Variants in JOSD1 observed in about 807,000 individuals in gnomAD.
JOSD1 encodes the protein Josephin domain containing 1, also known as josephin-1.
In JOSD1, 11 loss-of-function variants were observed where a neutral mutation model predicts 24.3. The observed-to-expected ratio is 0.45, with a 90% confidence interval of 0.29 to 0.75. JOSD1 has a LOEUF of 0.75. Among genes scored for constraint, JOSD1 ranks in the 30% least tolerant of loss-of-function variants. The pLI, the probability that JOSD1 is intolerant of heterozygous loss-of-function variation, is 0.11. For missense variants in JOSD1, 184 were observed against 253.5 expected (o/e 0.73, Z 1.86); for synonymous variants, 106 against 93.8 (o/e 1.13, Z -0.75).
chr22:38,700,761 C>T, intron 1 of JOSD1, 39 bp downstream of exon 1: 1 of 984,620 alleles, frequency 1.0e-6, no homozygotes, highest in Non-Finnish European at 1.2e-6. Context: ...CTCGCGCTCC[C>T]GGGCCCGCGC....
chr22:38,699,745 C>G, intron 2 of JOSD1, 58 bp downstream of exon 2: 1 of 1,529,098 alleles, frequency 6.5e-7, no homozygotes, highest in African/African-American at 1.4e-5. Flanking sequence ...AGACACTGCC[C>G]CACCCACAGA....
chr22:38,697,808 G>A (rs756887506), intron 2 of JOSD1, among the ~76,000 whole-genome samples: 4 of 152,256 alleles, frequency 2.6e-5, no homozygotes, highest in African/African-American at 2.4e-5. Context: ...CACTCAGAAC[G>A]GTGCTTTGCA....
chr22:38,691,031 C>T (rs190898794), intron 2 of JOSD1, among the ~76,000 whole-genome samples: 1 of 152,102 alleles, frequency 6.6e-6, no homozygotes, highest in Admixed American at 6.5e-5. Context: ...GAGTGAGACT[C>T]CGTCTCAAAA....
At chr22:38,700,657 G>A (rs2092565070) in intron 1 of JOSD1, 39 bp from the exon 2 acceptor site, 5 of 982,682 alleles carry the variant, frequency 5.1e-6, no homozygotes, top group African/African-American at 1.7e-5. Context: ...CGGCGAGCGG[G>A]CGCGGGAAGT....
rs911884650 is a variant in JOSD1 at position 38,691,052 on chromosome 22, C to CAAACA, written c.186-1633_186-1629dup. On this transcript the variant is annotated intron_variant, in intron 2 of 4. Transcript: ENST00000683374. ...GACTCCGTCTCAAAAAACAAACCAA[C>CAAACA]AAACAAAACAAAACAAAACCCCATG... Among the ~76,000 whole-genome samples, 225 of 151,458 alleles carry CAAACA rather than the reference C, an allele frequency of 1.5e-3. 1 individual carries two copies. Among genetic ancestry groups the CAAACA allele is most frequent in the Non-Finnish European group, 2.8e-4 (19 of 67,746 alleles).
At position 38,700,912 on chromosome 22, in the gene JOSD1, G is replaced by C. The variant is rs906010514; in HGVS notation, c.-744C>G. 1.0e-6 allele frequency: 1 copy of C among 984,464 alleles called. No homozygotes were observed. Among genetic ancestry groups the C allele is most frequent in the African/African-American group, 1.8e-5 (1 of 57,142 alleles). The allele number at this position is 984,464 out of a possible 1,614,324, so 61.0% of individuals were successfully genotyped here. A position where few individuals can be genotyped will look rare whatever the true frequency, so the allele number is the denominator to read the frequency against. ...GCTGGCGGTCCCCTCACCGCAGCCG[G>C]CCGCCACCTGGAGTGCGCGCCGCCA... is the stretch of plus-strand genomic sequence containing the variant. On this transcript the variant is annotated 5_prime_UTR_variant, in exon 1 of 5. Coordinates refer to ENST00000683374, the MANE Select transcript of JOSD1 (RefSeq NM_001360236.2).
In JOSD1 at chr22:38,685,802, G is replaced by T. The variant is rs992600389; in HGVS notation, c.*2100C>A. 6.6e-6 allele frequency: 1 copy of T among 152,646 alleles called. No homozygotes were observed. The highest frequency in any genetic ancestry group is 1.5e-5 in the Non-Finnish European group (1 of 68,032). The allele number at this position is 152,646 out of a possible 1,614,324, so 9.5% of individuals were successfully genotyped here. Reference sequence around the variant, plus strand: ...AAAGGAAGTGGGGCTTTTTGCCCTTGGGCATCAGCATGGGTCCCTGTTCCT... The same window carrying T: ...AAAGGAAGTGGGGCTTTTTGCCCTTTGGCATCAGCATGGGTCCCTGTTCCT... On this transcript the variant is annotated 3_prime_UTR_variant, in exon 5 of 5. Transcript: ENST00000683374.
chr22:38,689,385 G>A lies in JOSD1; in HGVS notation c.225C>T (p.Ser75=), dbSNP rs139094797. Residue 75 remains serine (S), a synonymous_variant, in exon 3 of 5, where the codon AGC becomes AGT. Coordinates refer to ENST00000683374, the MANE Select transcript of JOSD1 (RefSeq NM_001360236.2). ...PNTMVTPHKK[S]MLGNGNYDVN... The stretch of plus-strand genomic sequence containing the variant: ...CATCGTAGTTGCCATTTCCCAGCAT[G>A]CTCTTCTTGTGAGGTGTCACCATGG... 270 of 1,614,212 alleles carry A rather than the reference G, an allele frequency of 1.7e-4. 1 individual carries two copies. In the African/African-American group the frequency reaches 3.2e-3, roughly 19 times the overall value.
chr22:38,698,525 A>G (rs1463328585), intron 2 of JOSD1, among the ~76,000 whole-genome samples: 1 of 152,106 alleles, frequency 6.6e-6, no homozygotes, highest in East Asian at 1.9e-4. Flanking sequence ...AAGCTAAGAG[A>G]GTAAGAAAAA....
At position 38,686,147 on chromosome 22, in the gene JOSD1, T is replaced by C. The variant is rs2092496735; in HGVS notation, c.*1755A>G. On this transcript the variant is annotated 3_prime_UTR_variant, in exon 5 of 5. Coordinates refer to ENST00000683374, the MANE Select transcript of JOSD1 (RefSeq NM_001360236.2). ...TGCCAAGCAGGTCTGGTGTAGAAAA[T>C]GGTGCAGAAGAGACTGCGGCCAGTT... is the stretch of plus-strand genomic sequence containing the variant. The C allele has an allele frequency of 6.6e-6, 1 of 152,282 alleles. No homozygotes were observed. Among genetic ancestry groups the C allele is most frequent in the Non-Finnish European group, 1.5e-5 (1 of 68,004 alleles). The allele number at this position is 152,282 out of a possible 1,614,324, so 9.4% of individuals were successfully genotyped here.
rs915655474 is a variant in JOSD1, at chr22:38,686,569, G to C, written c.*1333C>G. On this transcript the variant is annotated 3_prime_UTR_variant, in exon 5 of 5. Coordinates refer to ENST00000683374, the MANE Select transcript of JOSD1 (RefSeq NM_001360236.2). ...AAAGTGGCCTACAACTATCTGAAGA[G>C]GTAGGGGCGGGTTGAACTTCCATTG... The C allele has an allele frequency of 6.6e-6, 1 of 152,256 alleles. No individual in the cohort carries two copies. Among genetic ancestry groups the C allele is most frequent in the African/African-American group, 2.4e-5 (1 of 41,410 alleles). 9.4% of individuals were successfully genotyped at this position (152,256 alleles called of 1,614,324 possible).
upstream of JOSD1, chr22:38,701,131 T>C (rs1018034803): frequency 2.2e-5 from 7 of 312,354 alleles, 1 homozygote; most frequent in South Asian, 3.7e-4. Flanking sequence ...AGTTCAACGG[T>C]TGGGGTGTTG....
At chr22:38,689,894 G>C (rs762720515) in intron 2 of JOSD1, among the ~76,000 whole-genome samples, 3 of 145,550 alleles carry the variant, frequency 2.1e-5, no homozygotes, top group Non-Finnish European at 4.5e-5. Flanking sequence ...TGGAATGCAC[G>C]ACCCACCTAA....
intron 2 of JOSD1, among the ~76,000 whole-genome samples, chr22:38,690,457 T>C (rs1603136643): frequency 1.3e-5 from 2 of 152,052 alleles, no homozygotes; most frequent in East Asian, 3.9e-4. Context: ...GGCTGGAGTG[T>C]GATGGCGCGA....
upstream of JOSD1, chr22:38,701,060 C>T (rs2092568399): frequency 8.0e-6 from 7 of 876,428 alleles, no homozygotes; most frequent in African/African-American, 7.2e-5. Flanking sequence ...TCACGCCTGA[C>T]GTAAGTCTGA....
intron 2 of JOSD1, among the ~76,000 whole-genome samples, chr22:38,696,236 C>T (rs996713289): frequency 1.3e-5 from 2 of 151,028 alleles, no homozygotes; most frequent in African/African-American, 4.9e-5. Context: ...AACCTTATAC[C>T]CCCCCTTTTT....
chr22:38,699,374 G>C (rs923492214), intron 2 of JOSD1, among the ~76,000 whole-genome samples: 4 of 152,170 alleles, frequency 2.6e-5, no homozygotes, highest in Non-Finnish European at 5.9e-5. Context: ...GAACGTGTAC[G>C]TATCTAGTCC....
rs936112802 is a variant in JOSD1 at position 38,700,585 on chromosome 22, G to C, written c.-598C>G. On this transcript the variant is annotated 5_prime_UTR_variant, in exon 2 of 5. Transcript: ENST00000683374. ...GGGGCCCGCAGGGCGCGGCTCCCTCGGAAGGCGCGGATTCTAGCCCTCTGG... is the reference window on the plus strand; with the variant it reads ...GGGGCCCGCAGGGCGCGGCTCCCTCCGAAGGCGCGGATTCTAGCCCTCTGG... 6.1e-6 allele frequency: 6 copies of C among 985,298 alleles called. No homozygotes were observed. Among genetic ancestry groups the C allele is most frequent in the Non-Finnish European group, 6.0e-6 (5 of 829,814 alleles). The allele number at this position is 985,298 out of a possible 1,614,324, so 61.0% of individuals were successfully genotyped here.
intron 2 of JOSD1, among the ~76,000 whole-genome samples, chr22:38,691,235 T>C (rs915248745): frequency 2.0e-5 from 3 of 151,248 alleles, no homozygotes; most frequent in African/African-American, 7.3e-5. Context: ...CATGGTGGCA[T>C]GTGCCTATGG....
Sources: gnomAD v4.1 joint callset for allele counts (sites outside exome capture counted in the v4.1 genomes callset) on GRCh38, gnomAD v4.1.1 for gene constraint, MANE v1.5 for transcripts, NCBI Gene and HGNC (gene_info 2026-07-23, HGNC 2026-07-21) for gene names.